Variants in HS3ST4 observed in about 807,000 individuals in gnomAD.
HS3ST4 encodes the protein heparan sulfate glucosamine 3-O-sulfotransferase 4.
A neutral mutation model predicts 29.2 loss-of-function variants in HS3ST4; 17 were observed. The ratio of observed to expected loss-of-function variants is 0.58; its 90% CI spans 0.40 to 0.87. HS3ST4 has a LOEUF of 0.87. HS3ST4 is among the 40% of genes least tolerant of loss of function. HS3ST4 has a pLI of 0.00. For synonymous variants in HS3ST4, 314 were observed against 285.7 expected, an observed-to-expected ratio of 1.10 and a Z score of -1.00; for missense variants, 627 against 634.5, an observed-to-expected ratio of 0.99 and a Z score of 0.13.
At chr16:26,128,682 A>G (rs974231144) in intron 1 of HS3ST4, among the ~76,000 whole-genome samples, 11 of 152,236 alleles carry the variant, frequency 7.2e-5, no homozygotes, top group Admixed American at 5.9e-4. Context: ...TTGGCTATGC[A>G]TCCCTGGACA....
chr16:25,983,169 C>G (rs1969025814), intron 1 of HS3ST4, among the ~76,000 whole-genome samples: 1 of 152,056 alleles, frequency 6.6e-6, no homozygotes, highest in Admixed American at 6.5e-5. Flanking sequence ...CTTTCAGATC[C>G]TTCCACTAGA....
At chr16:25,981,300 G>A (rs1391259126) in intron 1 of HS3ST4, among the ~76,000 whole-genome samples, 1 of 151,854 alleles carries the variant, frequency 6.6e-6, no homozygotes, top group Non-Finnish European at 1.5e-5. Context: ...TCGTGCCATT[G>A]CACTCCAGCC....
intron 1 of HS3ST4, among the ~76,000 whole-genome samples, chr16:25,727,036 C>T (rs1465011389): frequency 6.6e-6 from 1 of 152,126 alleles, no homozygotes; most frequent in Non-Finnish European, 1.5e-5. Context: ...TCAAGCTATC[C>T]ATAGGTCTAC....
intron 1 of HS3ST4, among the ~76,000 whole-genome samples, chr16:25,944,375 T>C (rs184031732): frequency 4.6e-5 from 7 of 152,350 alleles, no homozygotes; most frequent in Admixed American, 2.0e-4. Flanking sequence ...AGGGGTAAAG[T>C]TCCCCCCTGG....
Position 25,859,140 on chromosome 16 carries a change from CA to C in HS3ST4, c.734+165990del, listed in dbSNP as rs1967612627. On this transcript the variant is annotated intron_variant, in intron 1 of 1. Coordinates refer to ENST00000331351, the MANE Select transcript of HS3ST4 (RefSeq NM_006040.3). Reference sequence around the variant, plus strand: ...GAAAGCAGACACTTGTTCTAAAAATCACATATGAATTCAGTCCTCTCTGTAT... The same window carrying C: ...GAAAGCAGACACTTGTTCTAAAAATCCATATGAATTCAGTCCTCTCTGTAT... 3.3e-5 allele frequency among the ~76,000 whole-genome samples: 5 copies of C among 152,202 alleles called. No individual in the cohort carries two copies. The South Asian group carries it at 1.0e-3, about 32-fold the overall frequency.
chr16:26,132,098 T>C (rs1023191754), intron 1 of HS3ST4, among the ~76,000 whole-genome samples: 2 of 152,202 alleles, frequency 1.3e-5, no homozygotes, highest in African/African-American at 4.8e-5. Flanking sequence ...GCTCTTTATG[T>C]ATCAGCTGTG....
intron 1 of HS3ST4, among the ~76,000 whole-genome samples, chr16:26,083,960 A>G (rs71384860): frequency 6.6e-6 from 1 of 152,198 alleles, no homozygotes; most frequent in Non-Finnish European, 1.5e-5. Context: ...TTATAGAATT[A>G]CAGTAGAGTG....
chr16:25,940,000 C>G (rs1244598409), intron 1 of HS3ST4, among the ~76,000 whole-genome samples: 1 of 152,100 alleles, frequency 6.6e-6, no homozygotes, highest in African/African-American at 2.4e-5. Context: ...GGTAATAAGG[C>G]TGATTATTCA....
chr16:26,100,417 T>G (rs1000445171), intron 1 of HS3ST4, among the ~76,000 whole-genome samples: 1 of 152,186 alleles, frequency 6.6e-6, no homozygotes, highest in Non-Finnish European at 1.5e-5. Flanking sequence ...TTGGGTCAAG[T>G]CTGCACATCC....
chr16:25,702,538 C>G (rs1232019418), intron 1 of HS3ST4, among the ~76,000 whole-genome samples: 4 of 152,082 alleles, frequency 2.6e-5, no homozygotes, highest in Non-Finnish European at 5.9e-5. Flanking sequence ...TTCCTTCCTT[C>G]CTCCTCCCCT....
At chr16:26,024,800 T>C (rs1350730683) in intron 1 of HS3ST4, among the ~76,000 whole-genome samples, 1 of 152,198 alleles carries the variant, frequency 6.6e-6, no homozygotes, top group Admixed American at 6.5e-5. Context: ...TTATCCTTTG[T>C]GTAATTCCAG....
chr16:26,033,190 G>A (rs1164467072), intron 1 of HS3ST4, among the ~76,000 whole-genome samples: 1 of 151,930 alleles, frequency 6.6e-6, no homozygotes. Context: ...ACCAGCCTGG[G>A]CAACATAGCA....
intron 1 of HS3ST4, chr16:25,825,973 C>T (rs1428793527): frequency 1.3e-5 from 2 of 152,180 alleles, no homozygotes; most frequent in East Asian, 1.9e-4. Flanking sequence ...TTAGGATCCC[C>T]CTGTGTAGGT....
At chr16:25,999,897 T>TATTTTATATATATTATATATATATTTTTA (rs554169337) in intron 1 of HS3ST4, among the ~76,000 whole-genome samples, 3 of 131,882 alleles carry the variant, frequency 2.3e-5, no homozygotes, top group Non-Finnish European at 4.7e-5. Flanking sequence ...TATATATATT[T>TATTTTATATATATTATATATATATTTTTA]TATATATATA....
At chr16:25,988,122 A>G (rs1358084831) in intron 1 of HS3ST4, among the ~76,000 whole-genome samples, 1 of 152,192 alleles carries the variant, frequency 6.6e-6, no homozygotes, top group African/African-American at 2.4e-5. Flanking sequence ...CAGCATGACC[A>G]GGCTGCCGGC....
chr16:25,908,155 C>T (rs77756598), intron 1 of HS3ST4, among the ~76,000 whole-genome samples: 23 of 152,258 alleles, frequency 1.5e-4, no homozygotes, highest in Non-Finnish European at 2.9e-4. Flanking sequence ...TGGAAAACAG[C>T]GCAGGCTCAG....
In HS3ST4 at chr16:25,692,677, C is replaced by T; in HGVS notation, c.260C>T (p.Thr87Ile). Residue 87 changes from threonine (T) to isoleucine (I), a missense_variant, in exon 1 of 2, where the codon ACC (threonine) becomes ATC (isoleucine). Thr to Ile is a moderately conservative substitution (Grantham distance 89, BLOSUM62 -1). Coordinates refer to ENST00000331351, the MANE Select transcript of HS3ST4 (RefSeq NM_006040.3). ...CCGCCGCCACCCTCTCTGCTGCCTA[C>T]CCCCGTGCGCCTCGGCGCCCCCTCG... ...PSPPPPSLLP[T>I]PVRLGAPSQP... 2.4e-6 allele frequency: 3 copies of T among 1,251,404 alleles called. No individual in the cohort carries two copies. The highest frequency in any genetic ancestry group is 3.5e-5 in the East Asian group (1 of 28,984). 77.5% of individuals were successfully genotyped at this position (1,251,404 alleles called of 1,614,324 possible). A position where few individuals can be genotyped will look rare whatever the true frequency, so the allele number is the denominator to read the frequency against.
intron 1 of HS3ST4, among the ~76,000 whole-genome samples, chr16:25,960,881 A>G (rs1968787266): frequency 1.3e-5 from 2 of 152,220 alleles, no homozygotes; most frequent in Non-Finnish European, 2.9e-5. Flanking sequence ...GCAAGGAAAC[A>G]TGGGTAGAAA....
At chr16:25,889,953 C>T (rs915771831) in intron 1 of HS3ST4, among the ~76,000 whole-genome samples, 21 of 152,116 alleles carry the variant, frequency 1.4e-4, no homozygotes, top group African/African-American at 2.7e-4. Flanking sequence ...ATGTGCCTTT[C>T]GCCTTCCACC....
Sources: gnomAD v4.1 joint callset for allele counts (sites outside exome capture counted in the v4.1 genomes callset) on GRCh38, gnomAD v4.1.1 for gene constraint, MANE v1.5 for transcripts, NCBI Gene and HGNC (gene_info 2026-07-23, HGNC 2026-07-21) for gene names.